Variants in ANK3 observed in about 807,000 individuals in gnomAD.
The protein encoded by ANK3 is ankyrin 3, also known as ankyrin-3.
In ANK3, 57 loss-of-function variants were observed where a neutral mutation model predicts 370.9. That is an observed-to-expected ratio of 0.15 (90% CI 0.12 to 0.19). ANK3 has a LOEUF of 0.19. ANK3 is among the 10% of genes least tolerant of loss of function. The pLI, the probability that ANK3 is intolerant of heterozygous loss-of-function variation, is 1.00. For missense variants in ANK3, 4,439 were observed against 5,302.1 expected, an observed-to-expected ratio of 0.84 and a Z score of 5.06; for synonymous variants, 1,929 against 1,946.3, an observed-to-expected ratio of 0.99 and a Z score of 0.23.
chr10:60,211,221 G>T (rs1209181373), intron 9 of ANK3, among the ~76,000 whole-genome samples: 1 of 152,146 alleles, frequency 6.6e-6, no homozygotes, highest in East Asian at 1.9e-4. Context: ...GCAAAGTCAG[G>T]TAACTGCCTC....
intron 42 of ANK3, chr10:60,051,486 A>C: frequency 1.0e-6 from 1 of 985,254 alleles, no homozygotes; most frequent in Non-Finnish European, 1.2e-6. Context: ...TTTATAATCA[A>C]ACGCCGGCGA....
chr10:60,480,633 C>T (rs894877861), intron 2 of ANK3, among the ~76,000 whole-genome samples: 1 of 152,078 alleles, frequency 6.6e-6, no homozygotes, highest in Admixed American at 6.5e-5. Context: ...ACAGAGTTTA[C>T]CAAAGAAGAT....
rs759998919 is a variant in ANK3 at position 60,075,698 on chromosome 10, G to A, written c.5183C>T (p.Ser1728Phe). The A allele has an allele frequency of 5.0e-5, 80 of 1,613,930 alleles. No homozygotes were observed. Among genetic ancestry groups the A allele is most frequent in the Middle Eastern group, 1.6e-4 (1 of 6,080 alleles). The stretch of plus-strand genomic sequence containing the variant: ...TTTGCATCCATTAATTAAAGTTGAG[G>A]ATGATGGATATTTTAGAGGGGAAAT... ...GSISPLKYPS[S>F]STLINGCKAT... is the part of the protein sequence containing the mutation. The change falls in exon 37 of 44, where the codon TCC becomes TTC. Residue 1728 changes from serine to phenylalanine, a missense_variant. By Grantham distance (155) the Ser-to-Phe change is radical. Around this residue, in one of 13 missense-constraint regions of ANK3, gnomAD observed 679 missense variants for 791.0 expected, o/e 0.86. Coordinates refer to ENST00000280772, the MANE Select transcript of ANK3 (RefSeq NM_020987.5).
At chr10:60,708,212 T>C (rs574831053) in intron 1 of ANK3, among the ~76,000 whole-genome samples, 1 of 152,328 alleles carries the variant, frequency 6.6e-6, no homozygotes, top group South Asian at 2.1e-4. Flanking sequence ...CAGAGTTTAA[T>C]TTCCCATCTG....
intron 28 of ANK3, among the ~76,000 whole-genome samples, chr10:60,101,817 A>G (rs573223028): frequency 6.6e-5 from 10 of 152,198 alleles, no homozygotes; most frequent in African/African-American, 2.4e-4. Context: ...TACATACCAT[A>G]TTTTTTGTGT....
At chr10:60,344,064 G>A (rs2054868515) in intron 1 of ANK3, among the ~76,000 whole-genome samples, 1 of 152,230 alleles carries the variant, frequency 6.6e-6, no homozygotes, top group Non-Finnish European at 1.5e-5. Context: ...TCTAATAACA[G>A]CCTAGTACTA....
intron 23 of ANK3, among the ~76,000 whole-genome samples, chr10:60,160,874 T>C (rs1249789532): frequency 2.0e-5 from 3 of 152,146 alleles, no homozygotes; most frequent in African/African-American, 7.2e-5. Context: ...AAAAGTAGTA[T>C]AGAATGAACA....
chr10:60,310,033 T>G (rs1222133521), intron 1 of ANK3, among the ~76,000 whole-genome samples: 1 of 151,728 alleles, frequency 6.6e-6, no homozygotes, highest in African/African-American at 2.4e-5. Context: ...TCAAGTAATC[T>G]TCCTGCTTCA....
At chr10:60,460,503 C>T (rs184048748) in intron 2 of ANK3, among the ~76,000 whole-genome samples, 1 of 152,250 alleles carries the variant, frequency 6.6e-6, no homozygotes, top group Admixed American at 6.5e-5. Flanking sequence ...TCAAATTAGA[C>T]TGGCTGGTGT....
At chr10:60,537,043 A>G (rs1188494035) in intron 2 of ANK3, among the ~76,000 whole-genome samples, 1 of 151,998 alleles carries the variant, frequency 6.6e-6, no homozygotes, top group Non-Finnish European at 1.5e-5. Context: ...TACTGTTGAC[A>G]TTCAGCTTCA....
intron 2 of ANK3, among the ~76,000 whole-genome samples, chr10:60,431,032 C>G (rs890039017): frequency 6.6e-6 from 1 of 152,088 alleles, no homozygotes; most frequent in Non-Finnish European, 1.5e-5. Flanking sequence ...TTCCACGGAC[C>G]AGGAGAGGGG....
intron 1 of ANK3, among the ~76,000 whole-genome samples, chr10:60,355,987 A>G (rs1247640419): frequency 6.6e-6 from 1 of 152,222 alleles, no homozygotes; most frequent in Non-Finnish European, 1.5e-5. Context: ...GCATCGTGGT[A>G]GGATTCAAAG....
At chr10:60,287,852 G>T (rs2040375061) in intron 1 of ANK3, among the ~76,000 whole-genome samples, 1 of 152,040 alleles carries the variant, frequency 6.6e-6, no homozygotes, top group Non-Finnish European at 1.5e-5. Flanking sequence ...AGAGTTGTGT[G>T]TGCCTATCTT....
intron 39 of ANK3, among the ~76,000 whole-genome samples, chr10:60,063,890 G>A (rs2131945556): frequency 6.6e-6 from 1 of 152,244 alleles, no homozygotes; most frequent in African/African-American, 2.4e-5. Flanking sequence ...AGTTTTTATG[G>A]TCACAGAGAG....
At chr10:60,489,755 A>T (rs1333937592) in intron 2 of ANK3, among the ~76,000 whole-genome samples, 3 of 152,228 alleles carry the variant, frequency 2.0e-5, no homozygotes, top group South Asian at 2.1e-4. Context: ...CCACAAAAGC[A>T]TGTGCATGCA....
chr10:60,273,482 A>G (rs914640149), intron 4 of ANK3, among the ~76,000 whole-genome samples: 1 of 152,044 alleles, frequency 6.6e-6, no homozygotes, highest in Non-Finnish European at 1.5e-5. Flanking sequence ...GAAGCCCTCT[A>G]TACTCCTTAG....
chr10:60,117,950 A>T (rs923560222), intron 25 of ANK3, among the ~76,000 whole-genome samples: 1 of 152,254 alleles, frequency 6.6e-6, no homozygotes, highest in African/African-American at 2.4e-5. Context: ...GAGGATACGA[A>T]GTGTGCATAG....
At chr10:60,054,945 TC>T (rs1341733824) in intron 42 of ANK3, among the ~76,000 whole-genome samples, 1 of 152,164 alleles carries the variant, frequency 6.6e-6, no homozygotes. Context: ...ACTTTTAATA[TC>T]TAAAAATAGA....
At chr10:60,623,226 A>C (rs955669174) in intron 1 of ANK3, among the ~76,000 whole-genome samples, 1 of 152,234 alleles carries the variant, frequency 6.6e-6, no homozygotes. Context: ...GGAGGCACTT[A>C]CTGTCTTAGA....
Sources: gnomAD v4.1 joint callset for allele counts (sites outside exome capture counted in the v4.1 genomes callset) on GRCh38, gnomAD v4.1.1 for gene constraint, gnomAD v4.1.1 regional missense constraint, MANE v1.5 for transcripts, NCBI Gene and HGNC (gene_info 2026-07-23, HGNC 2026-07-21) for gene names.